SIVA1: variants seen among roughly 807,000 people sequenced by gnomAD.
SIVA1 encodes the protein apoptosis regulatory protein Siva.
In SIVA1, 10 loss-of-function variants were observed where a neutral mutation model predicts 19.7. That is an observed-to-expected ratio of 0.51 (90% CI 0.31 to 0.86). SIVA1 has a LOEUF of 0.86. Among genes scored for constraint, SIVA1 ranks in the 40% least tolerant of loss-of-function variants. The pLI is 0.04. For missense variants in SIVA1, 241 were observed against 245.2 expected (o/e 0.98, Z 0.11); for synonymous variants, 130 against 106.1 (o/e 1.23, Z -1.39).
In SIVA1 at chr14:104,753,243, A is replaced by C. The variant is rs200492089; in HGVS notation, c.42A>C (p.Leu14=). 1 of 1,593,520 alleles carries C rather than the reference A, an allele frequency of 6.3e-7. No homozygotes were observed. The change falls in exon 1 of 4, where the codon CTA becomes CTC. Residue 14 remains leucine (L), a synonymous_variant. Coordinates refer to ENST00000329967, the MANE Select transcript of SIVA1 (RefSeq NM_006427.4). ...GCCCCTTCGCGGACGTGGCCCCGCT[A>C]CAGCTCAAGGTCCGCGTGAGCCAGA... The part of the protein sequence containing the change: ...RSCPFADVAP[L]QLKVRVSQRE...
At position 104,756,737 on chromosome 14, in the gene SIVA1, C is replaced by T. The variant is rs1891904589; in HGVS notation, c.447C>T (p.Ala149=). ...VRTCWGCGSV[A]CTLCGLVDCS... The stretch of plus-strand genomic sequence containing the variant: ...CCTGCTGGGGCTGCGGCTCCGTGGC[C>T]TGTACCCTGTGTGGCCTCGTGGAGT... The change falls in exon 3 of 4, where the codon GCC becomes GCT. Residue 149 remains alanine, a synonymous_variant. Coordinates refer to ENST00000329967, the MANE Select transcript of SIVA1 (RefSeq NM_006427.4). The T allele has an allele frequency of 1.2e-6, 2 of 1,613,362 alleles. No homozygotes were observed. The highest frequency in any genetic ancestry group is 1.1e-5 in the South Asian group (1 of 91,016).
rs747149970 is a variant in SIVA1, at chr14:104,759,444, G to A, written c.487G>A (p.Glu163Lys). 3.1e-6 allele frequency: 5 copies of A among 1,613,158 alleles called. No homozygotes were observed. The African/African-American group carries it at 4.0e-5, about 13-fold the overall frequency. Residue 163 changes from glutamate to lysine, a missense_variant, in exon 4 of 4, where the codon GAG becomes AAG. By Grantham distance (56) the Glu-to-Lys change is moderately conservative (BLOSUM62 1). Coordinates refer to ENST00000329967, the MANE Select transcript of SIVA1 (RefSeq NM_006427.4). The surrounding 1 kb of genome is among the most constrained non-coding windows in gnomAD (Gnocchi z 4.2). ...CTGTCGCAGCTGCAGTGACATGTAC[G>A]AGAAAGTGCTGTGCACCAGCTGTGC... ...CGLVDCSDMY[E>K]KVLCTSCAMF...
Position 104,759,135 on chromosome 14 carries a change from T to C in SIVA1, c.471-293T>C, listed in dbSNP as rs1056410932. The stretch of plus-strand genomic sequence containing the variant: ...GGCCTCTCTCCTGGCATCTGCTGGT[T>C]ATCTTTGGTGTTCCCTGTAGACAGC... On this transcript the variant is annotated intron_variant, in intron 3 of 3. Transcript: ENST00000329967. This position sits in a 1 kb window ranked among gnomAD's most constrained non-coding sequence, Gnocchi z 4.2. 2.2e-5 allele frequency: 6 copies of C among 273,308 alleles called. No individual in the cohort carries two copies. Among genetic ancestry groups the C allele is most frequent in the Non-Finnish European group, 3.4e-5 (5 of 145,208 alleles). 16.9% of individuals were successfully genotyped at this position (273,308 alleles called of 1,614,324 possible). A position where few individuals can be genotyped will look rare whatever the true frequency, so the allele number is the denominator to read the frequency against.
intron 2 of SIVA1, 74 bp downstream of exon 2, chr14:104,755,898 G>T: frequency 7.1e-7 from 1 of 1,400,714 alleles, no homozygotes. Context: ...TTCTTGATTT[G>T]CAAGGTCAGG....
chr14:104,754,348 G>A (rs1457312850), intron 1 of SIVA1, among the ~76,000 whole-genome samples: 2 of 152,210 alleles, frequency 1.3e-5, no homozygotes, highest in African/African-American at 4.8e-5. Context: ...GGTGTCTCCA[G>A]TGTGCTAGGG....
chr14:104,757,423 A>G (rs1595227525), intron 3 of SIVA1: 1 of 283,396 alleles, frequency 3.5e-6, no homozygotes, highest in South Asian at 2.7e-5. Flanking sequence ...TTGTCCATCT[A>G]AAATAGAAAC....
chr14:104,756,258 T>C, intron 2 of SIVA1: 1 of 454,046 alleles, frequency 2.2e-6, no homozygotes, highest in Non-Finnish European at 4.1e-6. Context: ...AGTAAGGCAG[T>C]GGGCCACACT....
At chr14:104,756,970 A>C in intron 3 of SIVA1, 1 of 602,554 alleles carries the variant, frequency 1.7e-6, no homozygotes, top group Non-Finnish European at 2.9e-6. Context: ...GCTGAACCTC[A>C]CAGATGACCT....
Position 104,759,124 on chromosome 14 carries a change from CATCTGCTGGTT to C in SIVA1, c.471-299_471-289del, listed in dbSNP as rs1490501987. ...AAACCTGTCCTGGCCTCTCTCCTGGCATCTGCTGGTTATCTTTGGTGTTCCCTGTAGACAGC... is the reference window on the plus strand; with the variant it reads ...AAACCTGTCCTGGCCTCTCTCCTGGCATCTTTGGTGTTCCCTGTAGACAGC... On this transcript the variant is annotated intron_variant, in intron 3 of 3. Coordinates refer to ENST00000329967, the MANE Select transcript of SIVA1 (RefSeq NM_006427.4). This position sits in a 1 kb window ranked among gnomAD's most constrained non-coding sequence, Gnocchi z 4.2. The C allele has an allele frequency of 1.6e-5, 4 of 255,454 alleles. No individual in the cohort carries two copies. Among genetic ancestry groups the C allele is most frequent in the Non-Finnish European group, 3.0e-5 (4 of 134,026 alleles). The allele number at this position is 255,454 out of a possible 1,614,324, so 15.8% of individuals were successfully genotyped here.
At chr14:104,756,802 C>T in intron 3 of SIVA1, 42 bp downstream of exon 3, 1 of 1,567,072 alleles carries the variant, frequency 6.4e-7, no homozygotes, top group African/African-American at 1.3e-5. Context: ...TCCCATAGCC[C>T]CAGCAAGCCG....
chr14:104,756,843 G>A, intron 3 of SIVA1, 83 bp downstream of exon 3: 2 of 1,423,308 alleles, frequency 1.4e-6, no homozygotes, highest in Non-Finnish European at 1.9e-6. Flanking sequence ...ACCCATGTGG[G>A]CCCAGAACAC....
intron 1 of SIVA1, chr14:104,753,898 G>C (rs925126825): frequency 7.9e-6 from 3 of 381,046 alleles, no homozygotes; most frequent in Non-Finnish European, 1.7e-5. Flanking sequence ...GGTTTGTGCA[G>C]GCGCACCTGC....
Position 104,755,613 on chromosome 14 carries a change from G to T in SIVA1, c.119-17G>T, listed in dbSNP as rs1352081549. On this transcript the variant is annotated splice_polypyrimidine_tract_variant and intron_variant, in intron 1 of 3. Transcript: ENST00000329967. ...GGTACACAGTGAAGGACGTGAGAAT[G>T]ATTTATCTTCCCCCAGAGAAGACCA... 2.5e-6 allele frequency: 4 copies of T among 1,604,186 alleles called. No individual in the cohort carries two copies. The South Asian group carries it at 3.3e-5, about 13-fold the overall frequency.
Sources: gnomAD v4.1 joint callset for allele counts (sites outside exome capture counted in the v4.1 genomes callset) on GRCh38, gnomAD v4.1.1 for gene constraint, Gnocchi (gnomAD v3.1) non-coding constraint, MANE v1.5 for transcripts, NCBI Gene and HGNC (gene_info 2026-07-23, HGNC 2026-07-21) for gene names.